The following TRPM3 variants were observed in gnomAD, a reference collection of about 807,000 sequenced individuals.
TRPM3 encodes the protein transient receptor potential cation channel subfamily M member 3.
TRPM3 carries 77 observed loss-of-function variants against 181.2 expected under a neutral mutation model. The ratio of observed to expected loss-of-function variants is 0.42; its 90% CI spans 0.35 to 0.51. The LOEUF is 0.51. TRPM3 is among the 20% of genes least tolerant of loss of function. The pLI is 0.01. For missense variants in TRPM3, 1,759 were observed against 2,196.7 expected, an observed-to-expected ratio of 0.80 and a Z score of 3.98; for synonymous variants, 745 against 796.4, an observed-to-expected ratio of 0.94 and a Z score of 1.09.
intron 1 of TRPM3, among the ~76,000 whole-genome samples, chr9:70,908,011 A>G (rs1161044919): frequency 2.6e-5 from 4 of 152,164 alleles, no homozygotes; most frequent in Non-Finnish European, 5.9e-5. Context: ...TGCTTCAATA[A>G]ACATACTAGT....
At chr9:71,362,846 T>C (rs2092205708) in intron 1 of TRPM3, among the ~76,000 whole-genome samples, 1 of 152,262 alleles carries the variant, frequency 6.6e-6, no homozygotes, top group African/African-American at 2.4e-5. Flanking sequence ...AGTACAAAAC[T>C]TGTGAAGATA....
chr9:71,408,330 C>A (rs2093476125), intron 1 of TRPM3, among the ~76,000 whole-genome samples: 1 of 152,074 alleles, frequency 6.6e-6, no homozygotes, highest in Admixed American at 6.6e-5. Context: ...TGTTTGAACC[C>A]ATCGCAAGAA....
At chr9:71,244,453 C>T (rs2081917417) in intron 1 of TRPM3, among the ~76,000 whole-genome samples, 1 of 152,146 alleles carries the variant, frequency 6.6e-6, no homozygotes, top group African/African-American at 2.4e-5. Context: ...TTCTTCATAA[C>T]ATGGGAAACA....
chr9:70,655,884 C>T (rs2060268800), intron 9 of TRPM3, among the ~76,000 whole-genome samples: 1 of 152,104 alleles, frequency 6.6e-6, no homozygotes, highest in Non-Finnish European at 1.5e-5. Flanking sequence ...CTTTTTGAAT[C>T]TATAAGATAT....
At chr9:70,764,360 T>C (rs1788975948) in intron 7 of TRPM3, among the ~76,000 whole-genome samples, 1 of 152,200 alleles carries the variant, frequency 6.6e-6, no homozygotes, top group Non-Finnish European at 1.5e-5. Flanking sequence ...ACTTGATAGA[T>C]GTAATCATTC....
At chr9:70,942,436 C>T (rs2096895100) in intron 1 of TRPM3, among the ~76,000 whole-genome samples, 2 of 152,154 alleles carry the variant, frequency 1.3e-5, no homozygotes, top group African/African-American at 2.4e-5. Context: ...AAGAGGTGAG[C>T]ATCTCAGCCA....
intron 1 of TRPM3, among the ~76,000 whole-genome samples, chr9:70,867,628 C>A (rs891617465): frequency 6.6e-6 from 1 of 152,010 alleles, no homozygotes; most frequent in Non-Finnish European, 1.5e-5. Flanking sequence ...ATTAAGAAGT[C>A]TTCCCATCAT....
intron 1 of TRPM3, among the ~76,000 whole-genome samples, chr9:71,355,116 T>C (rs2132690753): frequency 6.6e-6 from 1 of 152,344 alleles, no homozygotes; most frequent in African/African-American, 2.4e-5. Flanking sequence ...TATGTTTTCT[T>C]GTCTTTTTCC....
At chr9:70,811,521 G>A (rs988279499) in intron 6 of TRPM3, among the ~76,000 whole-genome samples, 1 of 152,138 alleles carries the variant, frequency 6.6e-6, no homozygotes, top group South Asian at 2.1e-4. Flanking sequence ...CTGTGGTGTG[G>A]AAAGGGTCAA....
chr9:71,052,798 T>C (rs2133197149), intron 1 of TRPM3, among the ~76,000 whole-genome samples: 1 of 152,110 alleles, frequency 6.6e-6, no homozygotes, highest in East Asian at 1.9e-4. Flanking sequence ...TCTACTATCT[T>C]CAGTGCACAA....
chr9:70,756,162 C>CA (rs537040248), intron 8 of TRPM3, among the ~76,000 whole-genome samples: 75 of 150,286 alleles, frequency 5.0e-4, no homozygotes, highest in East Asian at 7.8e-4. Flanking sequence ...CAAAAACAAA[C>CA]AAAAAAAACA....
intron 1 of TRPM3, among the ~76,000 whole-genome samples, chr9:70,898,135 G>A (rs549099589): frequency 6.8e-6 from 1 of 147,684 alleles, no homozygotes; most frequent in African/African-American, 2.5e-5. Context: ...TTTTTTTGGT[G>A]GCTGGGGGAC....
intron 22 of TRPM3, among the ~76,000 whole-genome samples, chr9:70,566,325 A>T (rs2050574193): frequency 2.0e-5 from 3 of 152,158 alleles, no homozygotes; most frequent in Admixed American, 6.5e-5. Flanking sequence ...TGGGGAAAGG[A>T]TGCTCTAAGC....
At chr9:71,438,371 T>A (rs1044600169) in intron 1 of TRPM3, among the ~76,000 whole-genome samples, 21 of 152,294 alleles carry the variant, frequency 1.4e-4, no homozygotes, top group Admixed American at 3.9e-4. Flanking sequence ...GTTACAGTTT[T>A]GTTTTAATAG....
At chr9:70,619,959 C>T (rs1365252821) in intron 16 of TRPM3, 117 bp downstream of exon 16, 27 of 938,776 alleles carry the variant, frequency 2.9e-5, no homozygotes, top group Non-Finnish European at 4.3e-5. Flanking sequence ...CCTGTGTGTG[C>T]ATCACTGGGG....
chr9:71,402,895 A>G (rs1389805524), intron 1 of TRPM3, among the ~76,000 whole-genome samples: 3 of 152,148 alleles, frequency 2.0e-5, no homozygotes, highest in Non-Finnish European at 4.4e-5. Flanking sequence ...CATCCTGTTA[A>G]TGAAATTCAT....
intron 1 of TRPM3, among the ~76,000 whole-genome samples, chr9:71,058,238 T>C (rs373126140): frequency 4.6e-5 from 7 of 152,080 alleles, no homozygotes; most frequent in African/African-American, 1.7e-4. Context: ...CTGATGGATA[T>C]AAGGTTGCAT....
At chr9:70,880,155 A>C (rs1435404339) in intron 1 of TRPM3, among the ~76,000 whole-genome samples, 4 of 152,156 alleles carry the variant, frequency 2.6e-5, no homozygotes, top group Non-Finnish European at 5.9e-5. Context: ...GATCTATGGA[A>C]AAAAATCTTA....
In TRPM3 at chr9:71,420,779, G is replaced by GAA. The variant is rs1565557339; in HGVS notation, c.183+25873_183+25874insTT. Among the ~76,000 whole-genome samples the GAA allele has an allele frequency of 9.0e-4, 77 of 85,614 alleles. 12 individuals are homozygous for GAA. Among genetic ancestry groups the GAA allele is most frequent in the Non-Finnish European group, 1.6e-3 (62 of 39,466 alleles). 56.2% of individuals were successfully genotyped at this position (85,614 alleles called of 152,430 possible). On this transcript the variant is annotated intron_variant, in intron 1 of 24. Transcript: ENST00000357533. ...AGAAAGAGAGAGAAAGAGAGAGAAA[G>GAA]AGAGAGAAAGAGAGAGAAAGAAAGA... is the stretch of plus-strand genomic sequence containing the variant.
Sources: allele counts gnomAD v4.1 joint callset (sites outside exome capture counted in the v4.1 genomes callset), GRCh38; gene constraint gnomAD v4.1.1; transcripts MANE v1.5; gene names NCBI Gene and HGNC (gene_info 2026-07-23, HGNC 2026-07-21).